Variants in ALG1L2 observed in about 807,000 individuals in gnomAD.
ALG1L2 encodes the protein ALG1 chitobiosyldiphosphodolichol beta-mannosyltransferase like 2, also known as putative glycosyltransferase ALG1L2.
In ALG1L2, 32 loss-of-function variants were observed where a neutral mutation model predicts 29.0. The ratio of observed to expected loss-of-function variants is 1.10; its 90% CI spans 0.83 to 1.48. The LOEUF is 1.48. Among genes scored for constraint, ALG1L2 ranks in the 40% most tolerant of loss-of-function variants. The pLI, the probability that ALG1L2 is intolerant of heterozygous loss-of-function variation, is 0.00. For missense variants in ALG1L2, 318 were observed against 274.1 expected, an observed-to-expected ratio of 1.16 and a Z score of -1.13; for synonymous variants, 110 against 109.5, an observed-to-expected ratio of 1.00 and a Z score of -0.03.
In ALG1L2 at chr3:130,094,497, A is replaced by G. The variant is rs1336076217; in HGVS notation, c.408A>G (p.Gly136=). The G allele has an allele frequency of 1.3e-6, 2 of 1,594,962 alleles. No individual in the cohort carries two copies. The highest frequency in any genetic ancestry group is 3.3e-5 in the Admixed American group (2 of 59,890). Residue 136 remains glycine (G), a synonymous_variant, in exon 5 of 8, where the codon GGA becomes GGG. Transcript: ENST00000425059. The part of the protein sequence containing the change: ...QVCIPWLEGR[G]LPPLLGSVDL... ...GCATCCCCTGGCTGGAGGGCCGAGG[A>G]CTACCCCCGCTTCTAGGTGAGAGGC...
intron 2 of ALG1L2, chr3:130,091,738 A>G (rs1019663150): frequency 1.7e-6 from 1 of 577,722 alleles, no homozygotes; most frequent in Non-Finnish European, 3.2e-6. Context: ...GGGGTGTCTC[A>G]TGGGGCTAAG....
chr3:130,092,508 G>T (rs1359961118), intron 3 of ALG1L2, among the ~76,000 whole-genome samples: 2 of 152,074 alleles, frequency 1.3e-5, no homozygotes, highest in Non-Finnish European at 2.9e-5. Flanking sequence ...TGAGCTGCTT[G>T]CCTGGTCTGC....
intron 1 of ALG1L2, among the ~76,000 whole-genome samples, chr3:130,089,906 C>T (rs77822136): frequency 1.4e-3 from 214 of 151,274 alleles, no homozygotes; most frequent in African/African-American, 4.9e-3. Flanking sequence ...GCCAGGCTTA[C>T]GGGTGCGTGA....
chr3:130,085,506 G>A (rs879250657), intron 1 of ALG1L2, among the ~76,000 whole-genome samples: 1,728 of 135,056 alleles, frequency 0.013, 20 homozygotes, highest in South Asian at 0.031. Flanking sequence ...CAAAGTGCTA[G>A]GGTTACAGGC....
At chr3:130,084,402 G>A (rs921015178) in intron 1 of ALG1L2, among the ~76,000 whole-genome samples, 1 of 148,640 alleles carries the variant, frequency 6.7e-6, no homozygotes, top group Non-Finnish European at 1.5e-5. Context: ...AAGGGGAGAG[G>A]GAAGGTGACA....
chr3:130,084,454 T>A (rs1397275442), intron 1 of ALG1L2, among the ~76,000 whole-genome samples: 2 of 143,754 alleles, frequency 1.4e-5, no homozygotes, highest in African/African-American at 4.9e-5. Flanking sequence ...TGGGGTTTTA[T>A]TATCTCAAGT....
chr3:130,087,046 A>C (rs1218693898), intron 1 of ALG1L2, among the ~76,000 whole-genome samples: 2 of 149,980 alleles, frequency 1.3e-5, no homozygotes, highest in Non-Finnish European at 3.0e-5. Context: ...AGATCCTTAC[A>C]GCCTTGTTAG....
At chr3:130,090,417 C>A (rs1305471613) in intron 1 of ALG1L2, among the ~76,000 whole-genome samples, 1 of 152,306 alleles carries the variant, frequency 6.6e-6, no homozygotes, top group African/African-American at 2.4e-5. Context: ...ATAGAATCAG[C>A]TTTGGACCCT....
Position 130,098,379 on chromosome 3 carries a change from G to T in ALG1L2, c.*124G>T, listed in dbSNP as rs1364660683. On this transcript the variant is annotated 3_prime_UTR_variant, in exon 8 of 8. Transcript: ENST00000425059. ...TGGACACATAACTCCTGGGCCAGAG[G>T]CTAAAACCCCAGGGCCCCTGCTGTC... 1 of 1,595,622 alleles carries T rather than the reference G, an allele frequency of 6.3e-7. No homozygotes were observed. Among genetic ancestry groups the T allele is most frequent in the Non-Finnish European group, 8.5e-7 (1 of 1,179,306 alleles).
Position 130,092,161 on chromosome 3 carries a change from C to G in ALG1L2, c.192C>G (p.Ser64Arg). Residue 64 changes from serine to arginine, a missense_variant, in exon 3 of 8, where the codon AGC becomes AGG. Ser to Arg is a moderately radical substitution (Grantham distance 110, BLOSUM62 -1). Transcript: ENST00000425059. ...RSAFTERDSG[S>R]GLVTRLHERP... The stretch of plus-strand genomic sequence containing the variant: ...CCTTCACGGAGCGGGATTCTGGGAG[C>G]GGGCTGGTGACGCGTCTCCACGAGC... 1.2e-6 allele frequency: 2 copies of G among 1,613,372 alleles called. No individual in the cohort carries two copies. The highest frequency in any genetic ancestry group is 2.2e-5 in the South Asian group (2 of 91,032).
chr3:130,096,064 A>C lies in ALG1L2; in HGVS notation c.440A>C (p.Asp147Ala), dbSNP rs112272004. 1 of 1,606,598 alleles carries C rather than the reference A, an allele frequency of 6.2e-7. No homozygotes were observed. The highest frequency in any genetic ancestry group is 1.4e-5 in the African/African-American group (1 of 73,490). The change falls in exon 6 of 8, where the codon GAT becomes GCT. Residue 147 changes from aspartate (D) to alanine (A), a missense_variant. Coordinates refer to ENST00000425059, the MANE Select transcript of ALG1L2 (RefSeq NM_001136152.1). ...LPPLLGSVDL[D>A]VCLDTSSSGL... ...TGCCTAGCAGGGTCGGTGGACCTGGATGTCTGTCTGGACACGTCCTCCAGT... is the reference window on the plus strand; with the variant it reads ...TGCCTAGCAGGGTCGGTGGACCTGGCTGTCTGTCTGGACACGTCCTCCAGT...
rs181632274 is a variant in ALG1L2 at position 130,092,460 on chromosome 3, C to T, written c.253+238C>T. On this transcript the variant is annotated intron_variant, in intron 3 of 7. Transcript: ENST00000425059. The stretch of plus-strand genomic sequence containing the variant: ...GCTTTAGAAAGTAGGTGTGTGGCTG[C>T]GGTGAGGAGCTCTGGGCTCGTCGGG... Among the ~76,000 whole-genome samples the T allele has an allele frequency of 2.4e-4, 37 of 152,302 alleles. 1 individual carries two copies. In the East Asian group the frequency reaches 6.2e-3, roughly 25 times the overall value.
At chr3:130,095,098 A>C (rs1057412940) in intron 5 of ALG1L2, among the ~76,000 whole-genome samples, 1 of 152,156 alleles carries the variant, frequency 6.6e-6, no homozygotes, top group South Asian at 2.1e-4. Flanking sequence ...GCATGATCTC[A>C]GTTCATGCAA....
intron 6 of ALG1L2, among the ~76,000 whole-genome samples, chr3:130,096,549 T>C (rs1935138747): frequency 6.6e-6 from 1 of 152,178 alleles, no homozygotes; most frequent in African/African-American, 2.4e-5. Flanking sequence ...CTTTGTTTCT[T>C]TCTCTCCCAC....
intron 4 of ALG1L2, among the ~76,000 whole-genome samples, chr3:130,093,502 C>T (rs1211515113): frequency 1.3e-5 from 2 of 150,346 alleles, no homozygotes; most frequent in East Asian, 2.0e-4. Flanking sequence ...TCTCAGCTCA[C>T]TGCAACCTCT....
intron 1 of ALG1L2, among the ~76,000 whole-genome samples, chr3:130,089,949 GGA>G (rs1934978343): frequency 1.3e-5 from 2 of 152,310 alleles, no homozygotes; most frequent in Non-Finnish European, 2.9e-5. Context: ...GGCTGAGGTA[GGA>G]GAATCGCTTG....
At chr3:130,088,064 T>A (rs1306389928) in intron 1 of ALG1L2, among the ~76,000 whole-genome samples, 1 of 152,306 alleles carries the variant, frequency 6.6e-6, no homozygotes, top group Non-Finnish European at 1.5e-5. Flanking sequence ...AGATCTGATC[T>A]TGGGGGCCAC....
At chr3:130,095,409 TTTATTATTATTA>T (rs869099473) in intron 5 of ALG1L2, among the ~76,000 whole-genome samples, 110 of 121,138 alleles carry the variant, frequency 9.1e-4, no homozygotes, top group East Asian at 2.7e-3. Context: ...TGTGCTGTGG[TTTATTATTATTA>T]TTATTATTAT....
chr3:130,098,190 G>A (rs991694771), intron 7 of ALG1L2, 33 bp from the exon 8 acceptor site: 1 of 1,596,112 alleles, frequency 6.3e-7, no homozygotes, highest in Non-Finnish European at 8.5e-7. Context: ...GGATGGGGTG[G>A]GGACAGGCAA....
Sources: gnomAD v4.1 joint callset for allele counts (sites outside exome capture counted in the v4.1 genomes callset) on GRCh38, gnomAD v4.1.1 for gene constraint, MANE v1.5 for transcripts, NCBI Gene and HGNC (gene_info 2026-07-23, HGNC 2026-07-21) for gene names.